Variants in CDH18 observed in about 807,000 individuals in gnomAD.
CDH18 encodes cadherin-18.
In CDH18, 31 loss-of-function variants were observed where a neutral mutation model predicts 67.9. The ratio of observed to expected loss-of-function variants is 0.46; its 90% CI spans 0.34 to 0.62. The LOEUF (loss-of-function observed/expected upper bound fraction) is 0.62, where lower values mean the gene tolerates loss of function less well. CDH18 is among the 20% of genes least tolerant of loss of function. The pLI, the probability that CDH18 is intolerant of heterozygous loss-of-function variation, is 0.01. For missense variants in CDH18, 890 were observed against 975.5 expected (o/e 0.91, Z 1.17); for synonymous variants, 362 against 347.2 (o/e 1.04, Z -0.48).
At chr5:20,562,600 T>G (rs1758282155) in intron 1 of CDH18, among the ~76,000 whole-genome samples, 1 of 151,710 alleles carries the variant, frequency 6.6e-6, no homozygotes, top group African/African-American at 2.4e-5. Flanking sequence ...TTATAATTAT[T>G]ATTAAAAATG....
At chr5:20,117,030 A>AGT (rs368558102) in intron 2 of CDH18, among the ~76,000 whole-genome samples, 9,742 of 147,790 alleles carry the variant, frequency 0.066, 651 homozygotes, top group East Asian at 0.27. Flanking sequence ...TGTGTGTGTG[A>AGT]GTGTGTGTGT....
At chr5:19,735,317 C>G (rs1768157078) in intron 4 of CDH18, among the ~76,000 whole-genome samples, 1 of 151,106 alleles carries the variant, frequency 6.6e-6, no homozygotes, top group Admixed American at 6.6e-5. Flanking sequence ...AAGTGCTGCT[C>G]TTATATCTCT....
chr5:20,500,699 A>C (rs1295695117), intron 1 of CDH18, among the ~76,000 whole-genome samples: 1 of 152,174 alleles, frequency 6.6e-6, no homozygotes, highest in East Asian at 1.9e-4. Context: ...ACTGTACTGA[A>C]ACAATGTACT....
intron 2 of CDH18, among the ~76,000 whole-genome samples, chr5:19,908,282 T>C (rs1462335013): frequency 2.6e-5 from 4 of 152,092 alleles, no homozygotes; most frequent in East Asian, 1.9e-4. Flanking sequence ...TGGCGTGTTA[T>C]AGTATTGACA....
intron 1 of CDH18, among the ~76,000 whole-genome samples, chr5:20,436,871 A>C (rs919616267): frequency 2.0e-5 from 3 of 151,546 alleles, no homozygotes; most frequent in Non-Finnish European, 3.0e-5. Flanking sequence ...CTCCCGCAGC[A>C]ATTCATCATA....
At position 20,063,318 on chromosome 5, in the gene CDH18, T is replaced by G. The variant is rs146482935; in HGVS notation, c.-517-71304A>C. 0.022 allele frequency among the ~76,000 whole-genome samples: 3,363 copies of G among 151,902 alleles called. 239 individuals carry two copies. The East Asian group carries it at 0.28, about 13-fold the overall frequency. ...AAGCCACTGTACTATACTTTTTAAT[T>G]TATTAAATTAAATAAATTTATTATA... is the stretch of plus-strand genomic sequence containing the variant. On this transcript the variant is annotated intron_variant, in intron 2 of 14. Transcript: ENST00000507958.
intron 2 of CDH18, among the ~76,000 whole-genome samples, chr5:20,034,438 C>A (rs776131355): frequency 6.6e-6 from 1 of 151,986 alleles, no homozygotes; most frequent in Non-Finnish European, 1.5e-5. Flanking sequence ...CTTGACTGGG[C>A]CACACTGTGC....
chr5:20,089,183 T>G (rs1179446474), intron 2 of CDH18, among the ~76,000 whole-genome samples: 1 of 152,178 alleles, frequency 6.6e-6, no homozygotes, highest in Non-Finnish European at 1.5e-5. Context: ...AATATTATAC[T>G]TAATTACAAA....
At chr5:20,131,930 TAGGCTGG>T (rs1749303300) in intron 2 of CDH18, among the ~76,000 whole-genome samples, 1 of 152,080 alleles carries the variant, frequency 6.6e-6, no homozygotes, top group South Asian at 2.1e-4. Context: ...TCTTGTTGTC[TAGGCTGG>T]AGTGCAGTGG....
chr5:19,571,207 T>C (rs1222285137), intron 8 of CDH18, among the ~76,000 whole-genome samples: 1 of 152,212 alleles, frequency 6.6e-6, no homozygotes, highest in Non-Finnish European at 1.5e-5. Context: ...GAGATGAGTG[T>C]TATCCCCAAA....
At chr5:19,797,749 T>A (rs1479323276) in intron 3 of CDH18, among the ~76,000 whole-genome samples, 1 of 152,096 alleles carries the variant, frequency 6.6e-6, no homozygotes, top group Non-Finnish European at 1.5e-5. Context: ...AAAATGTCAG[T>A]TCTTCCCAAA....
chr5:19,821,131 G>C (rs1371871472), intron 3 of CDH18, among the ~76,000 whole-genome samples: 3 of 152,066 alleles, frequency 2.0e-5, no homozygotes, highest in Non-Finnish European at 4.4e-5. Context: ...GACAGACATA[G>C]GATTCAGAGT....
Position 19,473,619 on chromosome 5 carries a change from A to G in CDH18, c.1980T>C (p.Asp660=), listed in dbSNP as rs757054275. ...CTGTGTCTTCCTCTCCGCCTCCTTC[A>G]TCATCATAGGTGACCACGTTCTCCC... ...DVRENVVTYD[D]EGGGEEDTEA... The change falls in exon 13 of 13, where the codon GAT becomes GAC. Residue 660 remains aspartate (D), a synonymous_variant. Transcript: ENST00000382275. 9 of 1,613,714 alleles carry G rather than the reference A, an allele frequency of 5.6e-6. No individual in the cohort carries two copies. Among genetic ancestry groups the G allele is most frequent in the Non-Finnish European group, 7.6e-6 (9 of 1,179,834 alleles).
At chr5:20,013,230 G>T (rs1737609721) in intron 2 of CDH18, among the ~76,000 whole-genome samples, 2 of 152,040 alleles carry the variant, frequency 1.3e-5, no homozygotes, top group Admixed American at 1.3e-4. Flanking sequence ...TTTCAGGATA[G>T]GGAAATTCTT....
At chr5:19,669,102 TCA>T (rs1349862877) in intron 5 of CDH18, among the ~76,000 whole-genome samples, 1 of 147,310 alleles carries the variant, frequency 6.8e-6, no homozygotes, top group African/African-American at 2.5e-5. Context: ...TTGTACAATC[TCA>T]CTTATATATA....
intron 2 of CDH18, among the ~76,000 whole-genome samples, chr5:19,889,645 G>A (rs908257607): frequency 6.6e-6 from 1 of 152,036 alleles, no homozygotes; most frequent in Non-Finnish European, 1.5e-5. Context: ...ACCAGGCCTA[G>A]GGTTTTCCTT....
chr5:19,587,347 G>A (rs749048236), intron 7 of CDH18, among the ~76,000 whole-genome samples: 7 of 152,082 alleles, frequency 4.6e-5, no homozygotes, highest in Non-Finnish European at 7.4e-5. Context: ...AGGGCTCTTC[G>A]TCATGATATC....
intron 1 of CDH18, among the ~76,000 whole-genome samples, chr5:20,355,913 G>A (rs1451416855): frequency 1.3e-5 from 2 of 152,148 alleles, no homozygotes; most frequent in Admixed American, 6.5e-5. Context: ...CTTAGGTAAT[G>A]TTACAGATTG....
chr5:20,050,043 A>T (rs1741274663), intron 2 of CDH18, among the ~76,000 whole-genome samples: 1 of 151,786 alleles, frequency 6.6e-6, no homozygotes. Flanking sequence ...CTTTCAAAGC[A>T]GAAAGTCAAT....
Sources: gnomAD v4.1 joint callset for allele counts (sites outside exome capture counted in the v4.1 genomes callset) on GRCh38, gnomAD v4.1.1 for gene constraint, MANE v1.5 for transcripts, NCBI Gene and HGNC (gene_info 2026-07-23, HGNC 2026-07-21) for gene names.